Variants in EMID1 observed in about 807,000 individuals in gnomAD.
EMID1 encodes the protein EMI domain containing 1, also known as EMI domain-containing protein 1.
EMID1 carries 40 observed loss-of-function variants against 60.6 expected under a neutral mutation model. That is an observed-to-expected ratio of 0.66 (90% CI 0.51 to 0.86). The LOEUF is 0.86. EMID1 is among the 40% of genes least tolerant of loss of function. The pLI is 0.00. For missense variants in EMID1, 585 were observed against 597.1 expected (o/e 0.98, Z 0.21); for synonymous variants, 242 against 231.0 (o/e 1.05, Z -0.43).
intron 3 of EMID1, among the ~76,000 whole-genome samples, chr22:29,220,185 G>A (rs2040239417): frequency 6.6e-6 from 1 of 152,160 alleles, no homozygotes; most frequent in Non-Finnish European, 1.5e-5. Flanking sequence ...CTTGGCAGTG[G>A]CCGGCAAGTC....
chr22:29,234,072 T>C lies in EMID1; in HGVS notation c.967-65T>C. 1.9e-6 allele frequency: 3 copies of C among 1,541,702 alleles called. No individual in the cohort carries two copies. The Admixed American group carries it at 6.0e-5, about 31-fold the overall frequency. On this transcript the variant is annotated intron_variant, in intron 10 of 14. Transcript: ENST00000334018. ...TTGAGCGCCCTCCCCAACACCTCTG[T>C]TCCCAAGCCCCTGCCCACTCCATCC... is the stretch of plus-strand genomic sequence containing the variant.
chr22:29,226,019 C>A (rs111435790), intron 4 of EMID1, among the ~76,000 whole-genome samples: 1,860 of 150,968 alleles, frequency 0.012, 41 homozygotes, highest in African/African-American at 0.042. Context: ...TGGCCCCAGC[C>A]CTGCCCAGGC....
In EMID1 at chr22:29,259,363, C is replaced by T. The variant is rs1330201750; in HGVS notation, c.*419C>T. ...GGGAGCCCTCCTGTGCCCCTCCCTC[C>T]TTGTTGTCCAGTGCTGGGCTCCCCA... is the stretch of plus-strand genomic sequence containing the variant. On this transcript the variant is annotated 3_prime_UTR_variant, in exon 15 of 15. Coordinates refer to ENST00000334018, the MANE Select transcript of EMID1 (RefSeq NM_133455.4). The T allele has an allele frequency of 9.5e-6, 2 of 210,668 alleles. No individual in the cohort carries two copies. Among genetic ancestry groups the T allele is most frequent in the African/African-American group, 4.8e-5 (2 of 41,920 alleles). 13.0% of individuals were successfully genotyped at this position (210,668 alleles called of 1,614,324 possible).
At chr22:29,225,539 G>C (rs2146241439) in intron 4 of EMID1, among the ~76,000 whole-genome samples, 1 of 152,330 alleles carries the variant, frequency 6.6e-6, no homozygotes, top group Non-Finnish European at 1.5e-5. Context: ...TGGAGGCCCT[G>C]TGCCAGGCGC....
chr22:29,245,778 G>A (rs2041310307), intron 13 of EMID1, among the ~76,000 whole-genome samples: 1 of 152,186 alleles, frequency 6.6e-6, no homozygotes, highest in Non-Finnish European at 1.5e-5. Context: ...TGCCCACCTG[G>A]ATCAAAGCTC....
chr22:29,254,369 C>A, intron 14 of EMID1, 82 bp downstream of exon 14: 2 of 1,357,784 alleles, frequency 1.5e-6, no homozygotes, highest in South Asian at 1.2e-5. Context: ...TGGAACTGGC[C>A]TGAGCCCAGT....
At chr22:29,214,323 G>A (rs555976426) in intron 1 of EMID1, among the ~76,000 whole-genome samples, 30 of 152,302 alleles carry the variant, frequency 2.0e-4, no homozygotes, top group African/African-American at 7.0e-4. Flanking sequence ...AAGGATGGAG[G>A]GAATAGGCCA....
chr22:29,247,936 A>AT (rs981561687), intron 13 of EMID1, among the ~76,000 whole-genome samples: 24 of 143,158 alleles, frequency 1.7e-4, no homozygotes, highest in Non-Finnish European at 2.4e-4. Flanking sequence ...GGTGAAATTA[A>AT]TTTTTTTTTT....
At chr22:29,243,583 C>A in intron 13 of EMID1, 94 bp downstream of exon 13, 1 of 1,424,156 alleles carries the variant, frequency 7.0e-7, no homozygotes, top group Non-Finnish European at 9.9e-7. Context: ...GGAGTGGGAG[C>A]ATCCCATCCA....
At chr22:29,225,064 G>A (rs1367656034) in intron 3 of EMID1, 69 bp from the exon 4 acceptor site, 1 of 1,527,714 alleles carries the variant, frequency 6.5e-7, no homozygotes, top group Non-Finnish European at 9.0e-7. Flanking sequence ...TGGGGCTACA[G>A]TGGTGGGCAG....
At position 29,241,529 on chromosome 22, in the gene EMID1, C is replaced by T. The variant is rs972351483; in HGVS notation, c.1075-1916C>T. 2.0e-4 allele frequency among the ~76,000 whole-genome samples: 30 copies of T among 152,164 alleles called. No individual in the cohort carries two copies. In the Middle Eastern group the frequency reaches 0.01, roughly 52 times the overall value. On this transcript the variant is annotated intron_variant, in intron 12 of 14. Transcript: ENST00000334018. ...TCAGCCTCCAGAGTAGCTGGGATTA[C>T]AGGCACCTGCCACCACGCCCAGCTA...
intron 13 of EMID1, among the ~76,000 whole-genome samples, chr22:29,247,976 G>T (rs1465300647): frequency 6.9e-6 from 1 of 144,782 alleles, no homozygotes; most frequent in Non-Finnish European, 1.5e-5. Context: ...ACAGAGTCTT[G>T]CTATGTCTCA....
chr22:29,250,600 T>C (rs2041489158), intron 13 of EMID1, among the ~76,000 whole-genome samples: 1 of 151,632 alleles, frequency 6.6e-6, no homozygotes, highest in African/African-American at 2.4e-5. Context: ...AGAGTCTTGC[T>C]CTGTTGCCCA....
At chr22:29,233,564 C>A in intron 9 of EMID1, 50 bp from the exon 10 acceptor site, 1 of 1,608,888 alleles carries the variant, frequency 6.2e-7, no homozygotes, top group Non-Finnish European at 8.5e-7. Context: ...TGGGGCACTT[C>A]CTGAGATTGT....
rs141932041 is a variant in EMID1, at chr22:29,249,418, G to A, written c.1120-4785G>A. ...AGTAGTTGGGATTACAGGCGTGCAC[G>A]CACACCACCATGCCTGGCTAATTTT... On this transcript the variant is annotated intron_variant, in intron 13 of 14. Coordinates refer to ENST00000334018, the MANE Select transcript of EMID1 (RefSeq NM_133455.4). Among the ~76,000 whole-genome samples the A allele has an allele frequency of 7.2e-3, 1,088 of 151,792 alleles. 17 individuals carry two copies. The highest frequency in any genetic ancestry group is 0.025 in the African/African-American group (1,031 of 41,382).
chr22:29,225,245 C>T, intron 4 of EMID1, 29 bp downstream of exon 4: 2 of 1,611,008 alleles, frequency 1.2e-6, no homozygotes, highest in South Asian at 2.2e-5. Flanking sequence ...TCTTGAGGTC[C>T]CCCTGGGCTG....
chr22:29,233,713 C>A, intron 10 of EMID1, 47 bp downstream of exon 10: 1 of 1,563,388 alleles, frequency 6.4e-7, no homozygotes, highest in Non-Finnish European at 8.8e-7. Context: ...GTCCATCTTT[C>A]CATCTATGCA....
rs115029563 is a variant in EMID1, at chr22:29,226,175, C to T, written c.404-315C>T. Among the ~76,000 whole-genome samples, 356 of 152,320 alleles carry T rather than the reference C, an allele frequency of 2.3e-3. 1 individual carries two copies. Among genetic ancestry groups the T allele is most frequent in the African/African-American group, 7.7e-3 (322 of 41,566 alleles). ...AGAAGTCCTCAGCCTCATCCATGGCCCCCGCCCCATTGCCATTTCTTGGCT... is the reference window on the plus strand; with the variant it reads ...AGAAGTCCTCAGCCTCATCCATGGCTCCCGCCCCATTGCCATTTCTTGGCT... On this transcript the variant is annotated intron_variant, in intron 4 of 14. Transcript: ENST00000334018.
At position 29,254,190 on chromosome 22, in the gene EMID1, C is replaced by G. The variant is rs1189055207; in HGVS notation, c.1120-13C>G. ...GCCCCCTTCACGGCTGCATCTGTCT[C>G]TTTCCTCCACAGGGGGAGGGGTTGC... On this transcript the variant is annotated splice_polypyrimidine_tract_variant and intron_variant, in intron 13 of 14. Transcript: ENST00000334018. 1.2e-6 allele frequency: 2 copies of G among 1,613,890 alleles called. No homozygotes were observed. The highest frequency in any genetic ancestry group is 1.7e-5 in the Admixed American group (1 of 60,024).
Sources: gnomAD v4.1 joint callset for allele counts (sites outside exome capture counted in the v4.1 genomes callset) on GRCh38, gnomAD v4.1.1 for gene constraint, MANE v1.5 for transcripts, NCBI Gene and HGNC (gene_info 2026-07-23, HGNC 2026-07-21) for gene names.